Variants in RANBP17 observed in about 807,000 individuals in gnomAD.
RANBP17 encodes ran-binding protein 17.
Under a neutral mutation model 141.2 loss-of-function variants are expected in RANBP17, and 158 were observed. The observed-to-expected ratio is 1.12, with a 90% CI of 0.98 to 1.28. The LOEUF (loss-of-function observed/expected upper bound fraction) is 1.28. Among genes scored for constraint, RANBP17 ranks in the 50% most tolerant of loss-of-function variants. RANBP17 has a pLI of 0.00. For synonymous variants in RANBP17, 430 were observed against 450.0 expected, an observed-to-expected ratio of 0.96 and a Z score of 0.56; for missense variants, 1,438 against 1,290.7, an observed-to-expected ratio of 1.11 and a Z score of -1.75.
intron 16 of RANBP17, among the ~76,000 whole-genome samples, chr5:171,173,071 A>G (rs1760212032): frequency 6.6e-6 from 1 of 152,008 alleles, no homozygotes; most frequent in Non-Finnish European, 1.5e-5. Flanking sequence ...AGAAATATAT[A>G]TTAGTTCAAT....
chr5:170,891,938 G>A lies in RANBP17; in HGVS notation c.257-449G>A, dbSNP rs374189808. Among the ~76,000 whole-genome samples the A allele has an allele frequency of 4.9e-4, 74 of 152,116 alleles. 1 individual carries two copies. In the South Asian group the frequency reaches 0.013, roughly 26 times the overall value. ...TATTCAACAAAAGTGTTCTATTCAC[G>A]TTTTTCCCTAATATATCAAATGCAT... On this transcript the variant is annotated intron_variant, in intron 3 of 27. Coordinates refer to ENST00000523189, the MANE Select transcript of RANBP17 (RefSeq NM_022897.5).
chr5:171,021,700 G>T (rs937168766), intron 14 of RANBP17, among the ~76,000 whole-genome samples: 2 of 152,140 alleles, frequency 1.3e-5, no homozygotes, highest in Non-Finnish European at 2.9e-5. Flanking sequence ...TAACTTCTTT[G>T]CATTGAGTTG....
At chr5:170,992,330 CT>C (rs1778562836) in intron 14 of RANBP17, among the ~76,000 whole-genome samples, 1 of 151,944 alleles carries the variant, frequency 6.6e-6, no homozygotes, top group Admixed American at 6.6e-5. Context: ...ATATTCATTG[CT>C]CTTTTTGGTA....
rs1445234380 is a variant in RANBP17, at chr5:170,878,355, TGTTTTTGTGAAACTATA to T, written c.165+117_165+133del. The T allele has an allele frequency of 6.3e-6, 6 of 950,902 alleles. No individual in the cohort carries two copies. The East Asian group carries it at 1.7e-4, about 27-fold the overall frequency. 58.9% of individuals were successfully genotyped at this position (950,902 alleles called of 1,614,324 possible). A position where few individuals can be genotyped will look rare whatever the true frequency, so the allele number is the denominator to read the frequency against. On this transcript the variant is annotated intron_variant, in intron 2 of 27. Coordinates refer to ENST00000523189, the MANE Select transcript of RANBP17 (RefSeq NM_022897.5). ...GATAGATATTGCCACATGGTTTTTT[TGTTTTTGTGAAACTATA>T]GTTTCACTGTCAAAGGGGTTAATCA...
intron 14 of RANBP17, among the ~76,000 whole-genome samples, chr5:171,062,232 T>C (rs1011476945): frequency 1.3e-5 from 2 of 152,180 alleles, no homozygotes; most frequent in Admixed American, 1.3e-4. Context: ...TGCTCGTTAG[T>C]TGATGGAGTT....
intron 14 of RANBP17, among the ~76,000 whole-genome samples, chr5:171,020,516 C>T (rs187907356): frequency 1.7e-4 from 26 of 151,904 alleles, no homozygotes; most frequent in African/African-American, 5.6e-4. Flanking sequence ...TTTGCCATTA[C>T]GTAATGCCCT....
chr5:170,911,116 C>A lies in RANBP17; in HGVS notation c.742C>A (p.Pro248Thr). 6.2e-7 allele frequency: 1 copy of A among 1,609,854 alleles called. No individual in the cohort carries two copies. The highest frequency in any genetic ancestry group is 1.1e-5 in the South Asian group (1 of 90,862). ...AGATGATCTTTGCACGGTGCAGATTCCAACAACTTGGAGAACAAGTAAGAA... is the reference window on the plus strand; with the variant it reads ...AGATGATCTTTGCACGGTGCAGATTACAACAACTTGGAGAACAAGTAAGAA... ...SADDLCTVQI[P>T]TTWRTIFLEP... Residue 248 changes from proline to threonine, a missense_variant, in exon 7 of 28, where the codon CCA (proline) becomes ACA (threonine). Pro to Thr is a conservative substitution (Grantham distance 38). Coordinates refer to ENST00000523189, the MANE Select transcript of RANBP17 (RefSeq NM_022897.5).
chr5:170,909,158 C>G (rs995103576), intron 5 of RANBP17, among the ~76,000 whole-genome samples: 2 of 151,854 alleles, frequency 1.3e-5, no homozygotes. Context: ...TATAAGAAAT[C>G]AGATTTCTGA....
intron 4 of RANBP17, among the ~76,000 whole-genome samples, chr5:170,894,540 A>G (rs1450092134): frequency 6.9e-6 from 1 of 145,954 alleles, no homozygotes; most frequent in African/African-American, 2.6e-5. Flanking sequence ...TGAGAAAGTC[A>G]ATTTTGGCTT....
chr5:170,924,834 C>A (rs550938629), intron 12 of RANBP17: 1 of 231,800 alleles, frequency 4.3e-6, no homozygotes, highest in East Asian at 8.0e-5. Flanking sequence ...ATGAACATAA[C>A]TATCTTAACT....
At chr5:170,882,612 C>T (rs765613448) in intron 3 of RANBP17, among the ~76,000 whole-genome samples, 10 of 152,226 alleles carry the variant, frequency 6.6e-5, no homozygotes, top group Non-Finnish European at 1.5e-4. Context: ...GGCTTTTAGT[C>T]ATTATCTTAA....
chr5:171,019,608 C>T (rs1016254113), intron 14 of RANBP17, among the ~76,000 whole-genome samples: 22 of 151,940 alleles, frequency 1.4e-4, no homozygotes, highest in Admixed American at 7.2e-4. Context: ...GGTGATATCC[C>T]CTTTATCATT....
At chr5:171,255,068 T>G (rs529646648) in intron 24 of RANBP17, among the ~76,000 whole-genome samples, 1 of 152,318 alleles carries the variant, frequency 6.6e-6, no homozygotes, top group African/African-American at 2.4e-5. Context: ...ATATCAAAAG[T>G]ATTTTGACAA....
Position 171,119,056 on chromosome 5 carries a change from T to C in RANBP17, c.1711-51074T>C, listed in dbSNP as rs554179804. On this transcript the variant is annotated intron_variant, in intron 14 of 27. Transcript: ENST00000523189. Reference sequence around the variant, plus strand: ...ACTCAGTATAATGTTAGCTGTGAGTTTGACATATATGGCCTTTATTGTGTT... The same window carrying C: ...ACTCAGTATAATGTTAGCTGTGAGTCTGACATATATGGCCTTTATTGTGTT... 3.0e-4 allele frequency among the ~76,000 whole-genome samples: 46 copies of C among 152,360 alleles called. No homozygotes were observed. The South Asian group carries it at 8.9e-3, about 29-fold the overall frequency.
intron 14 of RANBP17, among the ~76,000 whole-genome samples, chr5:170,993,970 G>A (rs1002134628): frequency 6.6e-6 from 1 of 151,960 alleles, no homozygotes; most frequent in Non-Finnish European, 1.5e-5. Flanking sequence ...AATGCATATT[G>A]GCATGTTAAA....
intron 16 of RANBP17, among the ~76,000 whole-genome samples, chr5:171,181,932 G>A (rs894837629): frequency 1.3e-5 from 2 of 152,192 alleles, no homozygotes; most frequent in Admixed American, 6.5e-5. Context: ...CTCATTTCTT[G>A]GAGAGGGAAA....
At chr5:170,966,452 A>G (rs1302480642) in intron 13 of RANBP17, among the ~76,000 whole-genome samples, 2 of 152,248 alleles carry the variant, frequency 1.3e-5, no homozygotes, top group Non-Finnish European at 2.9e-5. Flanking sequence ...CCACATGATT[A>G]TCTCAATAGA....
intron 4 of RANBP17, among the ~76,000 whole-genome samples, chr5:170,893,892 A>G (rs1447963331): frequency 6.6e-6 from 1 of 152,100 alleles, no homozygotes; most frequent in African/African-American, 2.4e-5. Context: ...ATGGTTGAGT[A>G]TGGGCAATTT....
chr5:171,260,790 C>G (rs748321050), intron 24 of RANBP17, among the ~76,000 whole-genome samples: 1 of 151,778 alleles, frequency 6.6e-6, no homozygotes, highest in Non-Finnish European at 1.5e-5. Context: ...AGGAAGGCCT[C>G]TAAGATTAGT....
Sources: gnomAD v4.1 joint callset for allele counts (sites outside exome capture counted in the v4.1 genomes callset) on GRCh38, gnomAD v4.1.1 for gene constraint, MANE v1.5 for transcripts, NCBI Gene and HGNC (gene_info 2026-07-23, HGNC 2026-07-21) for gene names.